SOS1: variants seen among roughly 807,000 people sequenced by gnomAD.
The protein encoded by SOS1 is son of sevenless homolog 1.
A neutral mutation model predicts 157.6 loss-of-function variants in SOS1; 25 were observed. The observed-to-expected ratio is 0.16, with a 90% CI of 0.12 to 0.22. The LOEUF (loss-of-function observed/expected upper bound fraction) is 0.22, where lower values mean the gene tolerates loss of function less well. Ranked by LOEUF, SOS1 falls within the 10% of genes least tolerant of loss-of-function variation. The probability of loss-of-function intolerance (pLI) is 1.00; values close to 1 mark genes in which losing one functional copy is unlikely to be tolerated. For synonymous variants in SOS1, 528 were observed against 534.0 expected, an observed-to-expected ratio of 0.99 and a Z score of 0.16; for missense variants, 1,237 against 1,599.1, an observed-to-expected ratio of 0.77 and a Z score of 3.86.
At chr2:39,079,737 C>T (rs1000626771) in intron 1 of SOS1, among the ~76,000 whole-genome samples, 2 of 152,108 alleles carry the variant, frequency 1.3e-5, no homozygotes, top group African/African-American at 4.8e-5. Context: ...TCGTGATCTG[C>T]CCACCTTGGC....
Position 38,982,882 on chromosome 2 carries a change from A to G in SOS1, c.*2942T>C, listed in dbSNP as rs1302196984. 1 of 152,192 alleles carries G rather than the reference A, an allele frequency of 6.6e-6. No homozygotes were observed. Among genetic ancestry groups the G allele is most frequent in the Non-Finnish European group, 1.5e-5 (1 of 68,014 alleles). 9.4% of individuals were successfully genotyped at this position (152,192 alleles called of 1,614,324 possible). On this transcript the variant is annotated 3_prime_UTR_variant, in exon 23 of 23. Coordinates refer to ENST00000402219, the MANE Select transcript of SOS1 (RefSeq NM_005633.4). ...AATTTAGAATCATAATATAGCCTCC[A>G]GCTGACATAGTAATTGTTCTCTGGG...
In SOS1 at chr2:39,035,546, A is replaced by G. The variant is rs748108157; in HGVS notation, c.865-46T>C. 5.9e-6 allele frequency: 8 copies of G among 1,357,928 alleles called. No individual in the cohort carries two copies. In the African/African-American group the frequency reaches 1.1e-4, roughly 19 times the overall value. 84.1% of individuals were successfully genotyped at this position (1,357,928 alleles called of 1,614,324 possible). On this transcript the variant is annotated intron_variant, in intron 6 of 22. Transcript: ENST00000402219. ...AAACATAAATAATTTACCATTACAA[A>G]CACAGAAAGATTTAATTATGGGGCA...
chr2:38,986,120 G>T lies in SOS1; in HGVS notation c.3706C>A (p.Pro1236Thr), dbSNP rs727504636. ...TGGTCACTTTTTTTGCCCAAAGGGGGAGGTTGGAGATGTAGTGGTGAGCTT... is the reference window on the plus strand; with the variant it reads ...TGGTCACTTTTTTTGCCCAAAGGGGTAGGTTGGAGATGTAGTGGTGAGCTT... ...FSSSPLHLQPPPLGKKSDHGN... is the reference protein window; with the variant it reads ...FSSSPLHLQPTPLGKKSDHGN... The change falls in exon 23 of 23, where the codon CCC becomes ACC. Residue 1236 changes from proline (P) to threonine (T), a missense_variant. Pro to Thr is a conservative substitution (Grantham distance 38). Around this residue, in one of 15 missense-constraint regions of SOS1, gnomAD observed 306 missense variants for 322.6 expected, o/e 0.95. Coordinates refer to ENST00000402219, the MANE Select transcript of SOS1 (RefSeq NM_005633.4). 2.0e-5 allele frequency: 33 copies of T among 1,613,778 alleles called. No individual in the cohort carries two copies. In the Admixed American group the frequency reaches 4.2e-4, roughly 20 times the overall value.
intron 1 of SOS1, among the ~76,000 whole-genome samples, chr2:39,096,083 G>GA (rs1294865540): frequency 6.6e-6 from 1 of 151,960 alleles, no homozygotes; most frequent in Non-Finnish European, 1.5e-5. Flanking sequence ...AAGGGCTAAG[G>GA]AAAAAAAGAT....
chr2:38,989,442 T>C, intron 20 of SOS1, 128 bp from the exon 21 acceptor site: 2 of 666,226 alleles, frequency 3.0e-6, no homozygotes, highest in Non-Finnish European at 5.5e-6. Context: ...TAACAGTTTA[T>C]AGTAAAACCT....
intron 6 of SOS1, among the ~76,000 whole-genome samples, chr2:39,040,619 T>C (rs1670536466): frequency 6.6e-6 from 1 of 152,240 alleles, no homozygotes; most frequent in Non-Finnish European, 1.5e-5. Context: ...TAGCATAACG[T>C]TTCCAAGGTT....
At chr2:39,085,039 TTTTATTTGTATTTA>T (rs1352848064) in intron 1 of SOS1, among the ~76,000 whole-genome samples, 48 of 152,242 alleles carry the variant, frequency 3.2e-4, no homozygotes, top group African/African-American at 1.1e-3. Flanking sequence ...CCTATCCTAT[TTTTATTTGTATTTA>T]TTTATTTTTT....
At chr2:39,032,793 C>T (rs573920817) in intron 8 of SOS1, among the ~76,000 whole-genome samples, 1 of 152,222 alleles carries the variant, frequency 6.6e-6, no homozygotes, top group South Asian at 2.1e-4. Flanking sequence ...GAAACCCTGT[C>T]TCTACTAAAA....
intron 17 of SOS1, among the ~76,000 whole-genome samples, chr2:39,000,908 G>T (rs1256580734): frequency 6.6e-6 from 1 of 152,196 alleles, no homozygotes; most frequent in Non-Finnish European, 1.5e-5. Flanking sequence ...TTCTAAAATA[G>T]CTGGAAAGCA....
chr2:39,124,216 G>T (rs577585656), upstream of SOS1: 4 of 152,524 alleles, frequency 2.6e-5, no homozygotes, highest in East Asian at 3.8e-4. Flanking sequence ...GAAGACAACC[G>T]TGCGGACTCA....
intron 8 of SOS1, among the ~76,000 whole-genome samples, chr2:39,025,516 ATTT>A (rs200073263): frequency 3.6e-5 from 5 of 139,802 alleles, no homozygotes; most frequent in Non-Finnish European, 4.7e-5. Flanking sequence ...CACCTGACTG[ATTT>A]TTTTTTTTTT....
In SOS1 at chr2:39,102,301, T is replaced by C. The variant is rs149138245; in HGVS notation, c.87+18035A>G. 3.0e-3 allele frequency among the ~76,000 whole-genome samples: 440 copies of C among 144,680 alleles called. 4 individuals are homozygous for C. The highest frequency in any genetic ancestry group is 0.01 in the African/African-American group (411 of 39,144). The allele number at this position is 144,680 out of a possible 152,430, so 94.9% of individuals were successfully genotyped here. ...ACTTTGGGAGGCTAAGGCAGGAGGA[T>C]AGCTTGAGCCTACGAGTTCAAGACC... On this transcript the variant is annotated intron_variant, in intron 1 of 22. Coordinates refer to ENST00000402219, the MANE Select transcript of SOS1 (RefSeq NM_005633.4).
chr2:39,004,082 AG>A (rs762615978), intron 17 of SOS1, among the ~76,000 whole-genome samples: 4 of 152,126 alleles, frequency 2.6e-5, no homozygotes, highest in Non-Finnish European at 5.9e-5. Context: ...AAACTGTGGC[AG>A]GGGTATAGGA....
At chr2:39,025,160 TTTGGGAGGCCCAG>T (rs1448273073) in intron 8 of SOS1, among the ~76,000 whole-genome samples, 2 of 152,202 alleles carry the variant, frequency 1.3e-5, no homozygotes, top group African/African-American at 4.8e-5. Context: ...ATCTCAGCAC[TTTGGGAGGCCCAG>T]GTGGGAGGAT....
chr2:39,030,793 C>T (rs1464604171), intron 8 of SOS1, among the ~76,000 whole-genome samples: 2 of 152,072 alleles, frequency 1.3e-5, no homozygotes, highest in East Asian at 3.9e-4. Flanking sequence ...CAGATGTAAT[C>T]AAGTTGAGAT....
Position 38,984,483 on chromosome 2 carries a change from T to C in SOS1, c.*1341A>G, listed in dbSNP as rs1668493614. The stretch of plus-strand genomic sequence containing the variant: ...CTTAACAAACTGTATACTTGTTGCT[T>C]AGGAACTTAAAACTTACTTACAAAG... On this transcript the variant is annotated 3_prime_UTR_variant, in exon 23 of 23. Coordinates refer to ENST00000402219, the MANE Select transcript of SOS1 (RefSeq NM_005633.4). 6.8e-6 allele frequency: 1 copy of C among 147,956 alleles called. No individual in the cohort carries two copies. The highest frequency in any genetic ancestry group is 2.1e-4 in the South Asian group (1 of 4,826). 9.2% of individuals were successfully genotyped at this position (147,956 alleles called of 1,614,324 possible). A position where few individuals can be genotyped will look rare whatever the true frequency, so the allele number is the denominator to read the frequency against.
intron 5 of SOS1, among the ~76,000 whole-genome samples, chr2:39,051,710 A>T (rs1292999490): frequency 6.6e-6 from 1 of 152,166 alleles, no homozygotes; most frequent in African/African-American, 2.4e-5. Flanking sequence ...AATTTTTTTT[A>T]AGCCATAACA....
intron 1 of SOS1, among the ~76,000 whole-genome samples, chr2:39,116,382 A>G (rs898227491): frequency 2.6e-5 from 4 of 152,206 alleles, no homozygotes; most frequent in East Asian, 1.9e-4. Context: ...ACTTCTTTCA[A>G]ATAAAATCCA....
intron 6 of SOS1, among the ~76,000 whole-genome samples, chr2:39,046,160 C>T (rs1372667531): frequency 6.6e-6 from 1 of 151,976 alleles, no homozygotes; most frequent in African/African-American, 2.4e-5. Context: ...TTCATTCTTT[C>T]CTATTATCAG....
Sources: gnomAD v4.1 joint callset for allele counts (sites outside exome capture counted in the v4.1 genomes callset) on GRCh38, gnomAD v4.1.1 for gene constraint, gnomAD v4.1.1 regional missense constraint, MANE v1.5 for transcripts, NCBI Gene and HGNC (gene_info 2026-07-23, HGNC 2026-07-21) for gene names.